The following FLT4 variants were observed in gnomAD, a reference collection of about 807,000 sequenced individuals.
The protein encoded by FLT4 is vascular endothelial growth factor receptor 3.
FLT4 carries 30 observed loss-of-function variants against 163.2 expected under a neutral mutation model. The ratio of observed to expected loss-of-function variants is 0.18; its 90% confidence interval spans 0.14 to 0.25. The LOEUF is 0.25. Among genes scored for constraint, FLT4 ranks in the 10% least tolerant of loss-of-function variants. FLT4 has a pLI of 1.00. For synonymous variants in FLT4, 884 were observed against 789.5 expected (o/e 1.12, Z -2.01); for missense variants, 1,510 against 1,863.8 (o/e 0.81, Z 3.50).
chr5:180,646,726 C>T (rs1014109044), intron 1 of FLT4, among the ~76,000 whole-genome samples: 10 of 152,062 alleles, frequency 6.6e-5, no homozygotes, highest in South Asian at 4.1e-4. Context: ...TGGGCCACCC[C>T]GAACAGGCAC....
In FLT4 at chr5:180,621,632, C is replaced by T. The variant is rs2127816682; in HGVS notation, c.1930G>A (p.Ala644Thr). The T allele has an allele frequency of 6.2e-7, 1 of 1,605,728 alleles. No homozygotes were observed. The highest frequency in any genetic ancestry group is 8.5e-7 in the Non-Finnish European group (1 of 1,174,640). The stretch of plus-strand genomic sequence containing the variant: ...ACATAGTGGCCCTCGTGCTCGGGCG[C>T]GACGCGGGGGATACTCAGGCTGAGC... Reference protein sequence around the residue: ...ATLSLSIPRVAPEHEGHYVCE... With the variant: ...ATLSLSIPRVTPEHEGHYVCE... The change falls in exon 13 of 30, where the codon GCG becomes ACG. Residue 644 changes from alanine to threonine, a missense_variant. This residue lies in a region of FLT4 where 878 missense variants were observed against 1,016.7 expected (regional missense o/e 0.86). Coordinates refer to ENST00000261937, the MANE Select transcript of FLT4 (RefSeq NM_182925.5).
In FLT4 at chr5:180,630,261, C is replaced by T. The variant is rs761719247; in HGVS notation, c.477G>A (p.Leu159=). ...TGACATTGAGGCCGGGGATGGACACCAGACAGGGCACCCACATGGCGTCCT... is the reference window on the plus strand; with the variant it reads ...TGACATTGAGGCCGGGGATGGACACTAGACAGGGCACCCACATGGCGTCCT... ...NRKDAMWVPC[L]VSIPGLNVTL... Residue 159 remains leucine (L), a synonymous_variant, in exon 4 of 30, where the codon CTG becomes CTA. Transcript: ENST00000261937. The surrounding 1 kb of genome is among the most constrained non-coding windows in gnomAD (Gnocchi z 6.3). The T allele has an allele frequency of 6.2e-7, 1 of 1,612,688 alleles. No homozygotes were observed. The highest frequency in any genetic ancestry group is 8.5e-7 in the Non-Finnish European group (1 of 1,179,972).
chr5:180,645,249 G>A lies in FLT4; in HGVS notation c.58+4239C>T, dbSNP rs192522150. Among the ~76,000 whole-genome samples, 735 of 152,358 alleles carry A rather than the reference G, an allele frequency of 4.8e-3. 5 individuals are homozygous for A. The highest frequency in any genetic ancestry group is 0.017 in the African/African-American group (695 of 41,588). ...TGAGGTTGAGAAGGGCTGGACCTGC[G>A]GGGAGCGTGGGCTGCCTGAGTGCCC... On this transcript the variant is annotated intron_variant, in intron 1 of 29. Transcript: ENST00000261937.
chr5:180,613,165 G>GC, intron 24 of FLT4, 55 bp from the exon 25 acceptor site: 4 of 1,304,866 alleles, frequency 3.1e-6, no homozygotes, highest in African/African-American at 1.4e-5. Flanking sequence ...GCTCAGCCCA[G>GC]CCCCCCAAGT....
chr5:180,607,803 T>C (rs1318035723), intron 29 of FLT4, among the ~76,000 whole-genome samples: 1 of 152,190 alleles, frequency 6.6e-6, no homozygotes, highest in Non-Finnish European at 1.5e-5. Context: ...GTATTACTCA[T>C]ATTACCAAGG....
intron 1 of FLT4, among the ~76,000 whole-genome samples, chr5:180,637,771 C>G (rs1039606245): frequency 4.8e-4 from 73 of 152,294 alleles, no homozygotes; most frequent in African/African-American, 1.7e-3. Context: ...CTCAGGTGAT[C>G]CACCTGCCTC....
Position 180,626,022 on chromosome 5 carries a change from T to TG in FLT4, c.1267dup (p.Gln423ProfsTer4), listed in dbSNP as rs750808726. 1.2e-6 allele frequency: 2 copies of TG among 1,612,560 alleles called. No homozygotes were observed. On this transcript the variant is annotated frameshift_variant, in exon 10 of 30. Transcript: ENST00000261937. LOFTEE classifies it high-confidence loss of function. ...GGAGGAGGCCTCCTTCTCATGTATC[T>TG]GGGGGGGCACTGTGGGCACACAGAT...
chr5:180,642,064 C>G (rs887473485), intron 1 of FLT4, among the ~76,000 whole-genome samples: 9 of 151,992 alleles, frequency 5.9e-5, no homozygotes, highest in South Asian at 2.1e-4. Context: ...AAAATTAGCC[C>G]AGTGTGGTGG....
chr5:180,623,256 T>C lies in FLT4; in HGVS notation c.1549-417A>G, dbSNP rs1336466145. Among the ~76,000 whole-genome samples, 1 of 152,116 alleles carries C rather than the reference T, an allele frequency of 6.6e-6. No individual in the cohort carries two copies. The highest frequency in any genetic ancestry group is 1.5e-5 in the Non-Finnish European group (1 of 68,016). On this transcript the variant is annotated intron_variant, in intron 11 of 29. Transcript: ENST00000261937. The surrounding 1 kb of genome is among the most constrained non-coding windows in gnomAD (Gnocchi z 5.8). ...CAGGCCCAATCCAGTCGCTGCTTGC[T>C]GAGATCCTCGTGAGATGGCCTCCTC...
intron 1 of FLT4, among the ~76,000 whole-genome samples, chr5:180,639,379 G>GATGGA (rs1764928993): frequency 1.4e-5 from 2 of 142,494 alleles, no homozygotes; most frequent in South Asian, 5.1e-4. Context: ...GAGTGGATGG[G>GATGGA]TGGATGGATG....
At chr5:180,635,926 TGGATGGAC>T (rs1162085096) in intron 1 of FLT4, among the ~76,000 whole-genome samples, 2 of 102,000 alleles carry the variant, frequency 2.0e-5, no homozygotes, top group Admixed American at 1.2e-4. Flanking sequence ...GGTGGATGGA[TGGATGGAC>T]GGATGGAAGT....
Position 180,606,994 on chromosome 5 carries a change from C to T in FLT4, c.3893+1974G>A, listed in dbSNP as rs191221364. On this transcript the variant is annotated intron_variant, in intron 29 of 29. Coordinates refer to ENST00000261937, the MANE Select transcript of FLT4 (RefSeq NM_182925.5). The stretch of plus-strand genomic sequence containing the variant: ...TCAAGAGGCTGAGGCAGGATAATCA[C>T]GTGAACCCGGGAGGTGGAGGTTGCG... 3.5e-3 allele frequency among the ~76,000 whole-genome samples: 538 copies of T among 152,080 alleles called. 2 individuals are homozygous for T. Among genetic ancestry groups the T allele is most frequent in the African/African-American group, 0.012 (500 of 41,454 alleles).
At chr5:180,649,464 G>T (rs1471522299) in intron 1 of FLT4, 24 bp downstream of exon 1, 17 of 1,451,540 alleles carry the variant, frequency 1.2e-5, no homozygotes, top group African/African-American at 1.5e-5. Context: ...ACGCTCGGGC[G>T]GGTGGCCCGT....
rs146167161 is a variant in FLT4 at position 180,624,011 on chromosome 5, G to A, written c.1472C>T (p.Ala491Val). The A allele has an allele frequency of 4.3e-5, 69 of 1,613,132 alleles. No homozygotes were observed. In the African/African-American group the frequency reaches 7.2e-4, roughly 17 times the overall value. Residue 491 changes from alanine to valine, a missense_variant, in exon 11 of 30, where the codon GCG becomes GTG. Coordinates refer to ENST00000261937, the MANE Select transcript of FLT4 (RefSeq NM_182925.5). Reference protein sequence around the residue: ...DLMPQCRDWRAVTTQDAVNPI... With the variant: ...DLMPQCRDWRVVTTQDAVNPI... ...GTTCACGGCATCCTGCGTGGTCACC[G>A]CCCTCCAGTCACGGCACTGTGGCAT...
In FLT4 at chr5:180,626,137, T is replaced by G. The variant is rs750933049; in HGVS notation, c.1232A>C (p.Asn411Thr). Residue 411 changes from asparagine to threonine, a missense_variant, in exon 9 of 30, where the codon AAC becomes ACC. Transcript: ENST00000261937. ...ATTCACCACCAGCTCCAGGCTGATG[T>G]TGCGCCTCAGGCCAGCAGCGGAGTT... ...LWNSAAGLRR[N>T]ISLELVVNVP... The G allele has an allele frequency of 1.9e-6, 3 of 1,612,836 alleles. No individual in the cohort carries two copies. In the South Asian group the frequency reaches 3.3e-5, roughly 18 times the overall value.
chr5:180,616,591 T>C (rs931106301), intron 22 of FLT4, 102 bp from the exon 23 acceptor site: 1 of 1,304,778 alleles, frequency 7.7e-7, no homozygotes, highest in Non-Finnish European at 1.1e-6. Context: ...ACCATGGGGA[T>C]GCCCTGCCTG....
chr5:180,609,815 C>T, intron 28 of FLT4, 90 bp downstream of exon 28: 1 of 1,514,100 alleles, frequency 6.6e-7, no homozygotes, highest in East Asian at 2.3e-5. Context: ...TGGGTTCTGC[C>T]ATTTGCCTTA....
intron 1 of FLT4, among the ~76,000 whole-genome samples, chr5:180,633,437 T>G (rs1286371440): frequency 6.9e-6 from 1 of 144,034 alleles, no homozygotes; most frequent in Non-Finnish European, 1.5e-5. Context: ...GGCCCCGAGG[T>G]GGAAGGGGGT....
In FLT4 at chr5:180,630,368, G is replaced by A. The variant is rs1764002113; in HGVS notation, c.401-31C>T. ...GAGAGGGAGCAAGCTGTTGGGGAAGGGACGTGGCGGCCAGGCTGGGGGAGG... is the reference window on the plus strand; with the variant it reads ...GAGAGGGAGCAAGCTGTTGGGGAAGAGACGTGGCGGCCAGGCTGGGGGAGG... On this transcript the variant is annotated intron_variant, in intron 3 of 29. Transcript: ENST00000261937. The surrounding 1 kb of genome is among the most constrained non-coding windows in gnomAD (Gnocchi z 6.3). The A allele has an allele frequency of 1.3e-6, 2 of 1,592,222 alleles. No individual in the cohort carries two copies. The highest frequency in any genetic ancestry group is 1.3e-5 in the African/African-American group (1 of 74,710).
Sources: gnomAD v4.1 joint callset for allele counts (sites outside exome capture counted in the v4.1 genomes callset) on GRCh38, gnomAD v4.1.1 for gene constraint, gnomAD v4.1.1 regional missense constraint, Gnocchi (gnomAD v3.1) non-coding constraint, MANE v1.5 for transcripts, NCBI Gene and HGNC (gene_info 2026-07-23, HGNC 2026-07-21) for gene names.